Variants in CMTM8 observed in about 807,000 individuals in gnomAD.
The protein encoded by CMTM8 is CKLF like MARVEL transmembrane domain containing 8, also known as CKLF-like MARVEL transmembrane domain-containing protein 8.
CMTM8 carries 12 observed loss-of-function variants against 18.6 expected under a neutral mutation model. That is an observed-to-expected ratio of 0.65 (90% CI 0.41 to 1.05). CMTM8 has a LOEUF of 1.05. Among genes scored for constraint, CMTM8 ranks in the 50% least tolerant of loss-of-function variants. CMTM8 has a pLI of 0.00. For missense variants in CMTM8, 217 were observed against 227.2 expected, an observed-to-expected ratio of 0.95 and a Z score of 0.29; for synonymous variants, 87 against 90.6, an observed-to-expected ratio of 0.96 and a Z score of 0.23.
intron 1 of CMTM8, among the ~76,000 whole-genome samples, chr3:32,304,145 A>G (rs1310403970): frequency 6.6e-6 from 1 of 152,202 alleles, no homozygotes; most frequent in Non-Finnish European, 1.5e-5. Context: ...GCTGGCATGT[A>G]TCTGGTTGTG....
intron 1 of CMTM8, among the ~76,000 whole-genome samples, chr3:32,331,551 CAAAA>C (rs370967984): frequency 2.9e-5 from 4 of 138,252 alleles, no homozygotes; most frequent in African/African-American, 1.1e-4. Context: ...ATAAACCATA[CAAAA>C]AAAAAAAAGG....
At chr3:32,361,678 TAAC>T (rs1337934741) in intron 2 of CMTM8, among the ~76,000 whole-genome samples, 1 of 152,170 alleles carries the variant, frequency 6.6e-6, no homozygotes, top group Non-Finnish European at 1.5e-5. Context: ...AATCTTATCT[TAAC>T]AATAGCTCAT....
intron 1 of CMTM8, among the ~76,000 whole-genome samples, chr3:32,262,067 A>G (rs1408547324): frequency 6.6e-6 from 1 of 152,160 alleles, no homozygotes; most frequent in Non-Finnish European, 1.5e-5. Context: ...CTGGCCTGCC[A>G]TCAGAAGGAA....
At chr3:32,330,626 A>T (rs4955141) in intron 1 of CMTM8, among the ~76,000 whole-genome samples, 124,352 of 152,114 alleles carry the variant, frequency 0.82, 51,068 homozygotes, top group East Asian at 0.95. Flanking sequence ...TGTAGTCAAA[A>T]GATCTATGGA....
intron 1 of CMTM8, among the ~76,000 whole-genome samples, chr3:32,282,521 C>A (rs570428811): frequency 6.6e-6 from 1 of 152,250 alleles, no homozygotes; most frequent in African/African-American, 2.4e-5. Flanking sequence ...TCAATTCTTA[C>A]CACCTGCAGT....
rs145908055 is a variant in CMTM8, at chr3:32,367,915, C to T, written c.365C>T (p.Ala122Val). 6.8e-6 allele frequency: 11 copies of T among 1,614,156 alleles called. No homozygotes were observed. In the African/African-American group the frequency reaches 1.5e-4, roughly 22 times the overall value. Residue 122 changes from alanine to valine, a missense_variant, in exon 3 of 4, where the codon GCC becomes GTC. Physicochemically the swap from Ala to Val is moderately conservative, Grantham distance 64 (BLOSUM62 0). Coordinates refer to ENST00000307526, the MANE Select transcript of CMTM8 (RefSeq NM_178868.5). ...NGSAFVLYLS[A>V]AVVDASSVSP... ...AGTGCCTTCGTCTTGTACCTCTCTG[C>T]CGCTGTTGTAGATGCATCTTCCGTC...
At chr3:32,341,423 CT>C (rs149187553) in intron 1 of CMTM8, among the ~76,000 whole-genome samples, 1 of 152,022 alleles carries the variant, frequency 6.6e-6, no homozygotes, top group Non-Finnish European at 1.5e-5. Context: ...CCAAACTGCT[CT>C]TTTTTTTAAG....
At chr3:32,296,138 T>A (rs1046179408) in intron 1 of CMTM8, among the ~76,000 whole-genome samples, 33 of 151,860 alleles carry the variant, frequency 2.2e-4, no homozygotes, top group Admixed American at 5.3e-4. Flanking sequence ...GCCTTTTATT[T>A]TTTATTTTTT....
intron 2 of CMTM8, among the ~76,000 whole-genome samples, chr3:32,362,933 C>CA (rs1023959481): frequency 1.1e-4 from 16 of 152,196 alleles, no homozygotes; most frequent in African/African-American, 3.9e-4. Context: ...CCAGTCAATC[C>CA]AAATGCCTTA....
intron 1 of CMTM8, among the ~76,000 whole-genome samples, chr3:32,245,226 A>G (rs1701993629): frequency 6.6e-6 from 1 of 152,192 alleles, no homozygotes; most frequent in African/African-American, 2.4e-5. Flanking sequence ...AAAACAAAAT[A>G]CTGAGACAAA....
chr3:32,340,625 A>G (rs1353430937), intron 1 of CMTM8, among the ~76,000 whole-genome samples: 3 of 152,236 alleles, frequency 2.0e-5, no homozygotes, highest in Non-Finnish European at 4.4e-5. Context: ...AAAGGGCCAG[A>G]TAGTAAATAT....
At chr3:32,327,111 G>GT (rs1253622076) in intron 1 of CMTM8, among the ~76,000 whole-genome samples, 1 of 139,736 alleles carries the variant, frequency 7.2e-6, no homozygotes, top group African/African-American at 2.6e-5. Flanking sequence ...TGCTAGAAGA[G>GT]TTAAAAAAAA....
chr3:32,296,925 A>C (rs895215611), intron 1 of CMTM8, among the ~76,000 whole-genome samples: 4 of 152,106 alleles, frequency 2.6e-5, no homozygotes, highest in African/African-American at 9.7e-5. Context: ...CATGACCTCC[A>C]CATTTTCGTT....
At chr3:32,341,756 G>C (rs1696500293) in intron 1 of CMTM8, among the ~76,000 whole-genome samples, 1 of 151,698 alleles carries the variant, frequency 6.6e-6, no homozygotes, top group East Asian at 1.9e-4. Flanking sequence ...ATGTGCTTTT[G>C]ATCCCAGCTA....
intron 1 of CMTM8, among the ~76,000 whole-genome samples, chr3:32,263,717 A>G (rs891576692): frequency 2.6e-5 from 4 of 152,140 alleles, no homozygotes; most frequent in African/African-American, 4.8e-5. Context: ...GATTAGACGA[A>G]TGGCTAACTA....
chr3:32,335,064 T>C (rs1053606668), intron 1 of CMTM8, among the ~76,000 whole-genome samples: 8 of 152,190 alleles, frequency 5.3e-5, no homozygotes, highest in African/African-American at 1.9e-4. Flanking sequence ...TGCCTACTGT[T>C]GTTTCCTGAG....
At chr3:32,295,317 A>T (rs1230713217) in intron 1 of CMTM8, among the ~76,000 whole-genome samples, 1 of 151,694 alleles carries the variant, frequency 6.6e-6, no homozygotes, top group African/African-American at 2.4e-5. Flanking sequence ...TTAGCTGGGC[A>T]TAATGTCGTG....
At chr3:32,284,404 G>A (rs1356933175) in intron 1 of CMTM8, among the ~76,000 whole-genome samples, 1 of 152,234 alleles carries the variant, frequency 6.6e-6, no homozygotes, top group East Asian at 1.9e-4. Context: ...ACATGCAGCT[G>A]GATGCCCTCT....
chr3:32,355,831 C>T (rs1696805198), intron 1 of CMTM8, among the ~76,000 whole-genome samples: 1 of 152,194 alleles, frequency 6.6e-6, no homozygotes, highest in South Asian at 2.1e-4. Flanking sequence ...CACCTTCAGA[C>T]CTTTGCCCAC....
Sources: allele counts gnomAD v4.1 joint callset (sites outside exome capture counted in the v4.1 genomes callset), GRCh38; gene constraint gnomAD v4.1.1; transcripts MANE v1.5; gene names NCBI Gene and HGNC (gene_info 2026-07-23, HGNC 2026-07-21).